Variants in KCNQ3 observed in about 807,000 individuals in gnomAD.
KCNQ3 encodes the protein potassium voltage-gated channel subfamily KQT member 3.
In KCNQ3, 30 loss-of-function variants were observed where a neutral mutation model predicts 92.5. The observed-to-expected ratio is 0.32, with a 90% CI of 0.24 to 0.44. The LOEUF (loss-of-function observed/expected upper bound fraction) is 0.44, where lower values mean the gene tolerates loss of function less well. Ranked by LOEUF, KCNQ3 falls within the 20% of genes least tolerant of loss-of-function variation. The probability of loss-of-function intolerance (pLI) is 1.00; values close to 1 mark genes in which losing one functional copy is unlikely to be tolerated. For synonymous variants in KCNQ3, 450 were observed against 468.8 expected (o/e 0.96, Z 0.52); for missense variants, 913 against 1,140.3 (o/e 0.80, Z 2.87).
Position 132,175,413 on chromosome 8 carries a change from A to C in KCNQ3, c.933+40T>G, listed in dbSNP as rs369641564. 21 of 1,609,384 alleles carry C rather than the reference A, an allele frequency of 1.3e-5. No homozygotes were observed. The African/African-American group carries it at 2.4e-4, about 18-fold the overall frequency. Reference sequence around the variant, plus strand: ...CCTCCACCTCTCTCTGACTCTTGACAGTCAATCTCACAGAATTGGCCTCCA... The same window carrying C: ...CCTCCACCTCTCTCTGACTCTTGACCGTCAATCTCACAGAATTGGCCTCCA... On this transcript the variant is annotated intron_variant, in intron 5 of 14. Transcript: ENST00000388996.
chr8:132,329,908 G>A (rs901733553), intron 1 of KCNQ3, among the ~76,000 whole-genome samples: 3 of 152,232 alleles, frequency 2.0e-5, no homozygotes, highest in African/African-American at 7.2e-5. Flanking sequence ...ACCCTGTGCA[G>A]CTGTGTATGG....
Position 132,130,867 on chromosome 8 carries a change from C to T in KCNQ3, c.1885-871G>A, listed in dbSNP as rs185237337. Among the ~76,000 whole-genome samples, 16 of 152,290 alleles carry T rather than the reference C, an allele frequency of 1.1e-4. No individual in the cohort carries two copies. In the East Asian group the frequency reaches 1.9e-3, roughly 18 times the overall value. On this transcript the variant is annotated intron_variant, in intron 14 of 14. Coordinates refer to ENST00000388996, the MANE Select transcript of KCNQ3 (RefSeq NM_004519.4). ...GAATATACATGAGTGTATGTGCACA[C>T]GTGTGTGATGTTCTTGCTTTGACAA...
In KCNQ3 at chr8:132,406,566, CA is replaced by C. The variant is rs549859035; in HGVS notation, c.386+73580del. On this transcript the variant is annotated intron_variant, in intron 1 of 14. Transcript: ENST00000388996. ...ACACAGGCATACACTCACACACAGA[CA>C]CACACACACAGAAAGACACAGGCAC... 3.9e-5 allele frequency among the ~76,000 whole-genome samples: 6 copies of C among 151,950 alleles called. No individual in the cohort carries two copies. In the South Asian group the frequency reaches 1.3e-3, roughly 32 times the overall value.
intron 1 of KCNQ3, among the ~76,000 whole-genome samples, chr8:132,388,023 A>C (rs1819940101): frequency 6.9e-6 from 1 of 144,812 alleles, no homozygotes. Flanking sequence ...AGGAAGAGGA[A>C]GAAGAAGAAG....
chr8:132,158,843 C>G (rs1332815320), intron 9 of KCNQ3, among the ~76,000 whole-genome samples: 1 of 152,148 alleles, frequency 6.6e-6, no homozygotes, highest in African/African-American at 2.4e-5. Flanking sequence ...GAATGATTCT[C>G]TACTAAATTT....
At position 132,349,976 on chromosome 8, in the gene KCNQ3, C is replaced by T. The variant is rs868364549; in HGVS notation, c.386+130171G>A. On this transcript the variant is annotated intron_variant, in intron 1 of 14. Coordinates refer to ENST00000388996, the MANE Select transcript of KCNQ3 (RefSeq NM_004519.4). ...GCTGGAATTCTTACTCTGCATCAAG[C>T]GAGATCATGCTTCATGGATGGGGAA... Among the ~76,000 whole-genome samples the T allele has an allele frequency of 1.8e-4, 28 of 152,280 alleles. No individual in the cohort carries two copies. The Middle Eastern group carries it at 0.017, about 92-fold the overall frequency.
chr8:132,245,950 T>C (rs1815159409), intron 1 of KCNQ3, among the ~76,000 whole-genome samples: 10 of 151,160 alleles, frequency 6.6e-5, no homozygotes. Flanking sequence ...AAATGCCTAA[T>C]AAGTAGTTGG....
chr8:132,457,987 C>T (rs1821980852), intron 1 of KCNQ3, among the ~76,000 whole-genome samples: 2 of 152,186 alleles, frequency 1.3e-5, no homozygotes, highest in African/African-American at 4.8e-5. Flanking sequence ...GCATGTCCAC[C>T]TCCTGTCCAG....
At chr8:132,246,286 A>G (rs901280571) in intron 1 of KCNQ3, among the ~76,000 whole-genome samples, 10 of 152,214 alleles carry the variant, frequency 6.6e-5, no homozygotes, top group African/African-American at 2.4e-4. Flanking sequence ...GCCAAATGGG[A>G]TATTTCCAAT....
At chr8:132,447,105 C>T (rs1821698593) in intron 1 of KCNQ3, 1 of 1,061,502 alleles carries the variant, frequency 9.4e-7, no homozygotes, top group African/African-American at 1.6e-5. Flanking sequence ...CCCAAATAAG[C>T]TATGCATGTG....
chr8:132,480,498 G>A lies in KCNQ3; in HGVS notation c.35C>T (p.Ala12Val), dbSNP rs796052672. ...GLKARRAAGA[A>V]GGGGDGGGGG... The stretch of plus-strand genomic sequence containing the variant: ...GCCGCCCCCGTCGCCGCCGCCGCCA[G>A]CCGCCCCCGCCGCCCTGCGCGCCTT... The change falls in exon 1 of 15, where the codon GCT (alanine) becomes GTT (valine). Residue 12 changes from alanine to valine, a missense_variant. Physicochemically the swap from Ala to Val is moderately conservative, Grantham distance 64 (BLOSUM62 0). Around this residue, in one of 6 missense-constraint regions of KCNQ3, gnomAD observed 183 missense variants for 167.7 expected, o/e 1.09. Coordinates refer to ENST00000388996, the MANE Select transcript of KCNQ3 (RefSeq NM_004519.4). 5.3e-6 allele frequency: 6 copies of A among 1,136,050 alleles called. No homozygotes were observed. Among genetic ancestry groups the A allele is most frequent in the Middle Eastern group, 3.5e-4 (1 of 2,844 alleles). The allele number at this position is 1,136,050 out of a possible 1,614,324, so 70.4% of individuals were successfully genotyped here.
intron 1 of KCNQ3, among the ~76,000 whole-genome samples, chr8:132,346,201 C>T (rs1171110399): frequency 7.2e-5 from 11 of 152,108 alleles, no homozygotes; most frequent in Admixed American, 2.6e-4. Context: ...TTCTTCTCTT[C>T]CCAGAGGGCT....
chr8:132,133,785 A>T (rs1563764368), intron 13 of KCNQ3, among the ~76,000 whole-genome samples: 2 of 152,258 alleles, frequency 1.3e-5, no homozygotes, highest in African/African-American at 4.8e-5. Flanking sequence ...TCTAAAGAAC[A>T]TCTTATTCAA....
chr8:132,335,933 G>A (rs1336578177), intron 1 of KCNQ3, among the ~76,000 whole-genome samples: 1 of 152,170 alleles, frequency 6.6e-6, no homozygotes, highest in Non-Finnish European at 1.5e-5. Flanking sequence ...TAAACACCAG[G>A]AGGCCCTTGT....
In KCNQ3 at chr8:132,129,717, G is replaced by A; in HGVS notation, c.2164C>T (p.Arg722Ter). The change falls in exon 15 of 15, where the codon CGA (arginine) becomes TGA (stop). Residue 722 changes from arginine to a stop codon, truncating the protein, a stop_gained. Transcript: ENST00000388996. LOFTEE classifies it high-confidence loss of function. The surrounding 1 kb of genome is among the most constrained non-coding windows in gnomAD (Gnocchi z 5.9). ...ACCTTTCCAGAACTGGGTCCCCCTC[G>A]GGGCAGGTTCACAGGGTCATGTGCA... ...FFAHDPVNLP[R>*]GGPSSGKVQA... is the part of the protein sequence containing the mutation. The A allele has an allele frequency of 1.9e-6, 3 of 1,614,148 alleles. No homozygotes were observed. The highest frequency in any genetic ancestry group is 2.5e-6 in the Non-Finnish European group (3 of 1,180,028).
intron 1 of KCNQ3, among the ~76,000 whole-genome samples, chr8:132,222,097 A>G (rs1814257420): frequency 6.6e-6 from 1 of 152,240 alleles, no homozygotes; most frequent in Non-Finnish European, 1.5e-5. Context: ...GCTTCTGCAC[A>G]GCAAAAGAAA....
intron 1 of KCNQ3, among the ~76,000 whole-genome samples, chr8:132,468,746 A>C (rs949370889): frequency 6.6e-6 from 1 of 152,240 alleles, no homozygotes; most frequent in Non-Finnish European, 1.5e-5. Flanking sequence ...AAAGGAGCGC[A>C]TGGAGAGGAG....
intron 9 of KCNQ3, among the ~76,000 whole-genome samples, chr8:132,155,198 C>T (rs76659403): frequency 6.6e-6 from 1 of 152,168 alleles, no homozygotes; most frequent in South Asian, 2.1e-4. Context: ...ATTGTGAGGG[C>T]CTTTCCCGTT....
chr8:132,377,766 A>G (rs1819649639), intron 1 of KCNQ3, among the ~76,000 whole-genome samples: 1 of 152,194 alleles, frequency 6.6e-6, no homozygotes, highest in Non-Finnish European at 1.5e-5. Context: ...ATATCGGGTC[A>G]ATAACTTTAC....
Sources: allele counts gnomAD v4.1 joint callset (sites outside exome capture counted in the v4.1 genomes callset), GRCh38; gene constraint gnomAD v4.1.1; regional missense constraint gnomAD v4.1.1; non-coding constraint Gnocchi (gnomAD v3.1); transcripts MANE v1.5; gene names NCBI Gene and HGNC (gene_info 2026-07-23, HGNC 2026-07-21).